The following IQSEC2 variants were observed in gnomAD, a reference collection of about 807,000 sequenced individuals.
IQSEC2 encodes the protein IQ motif and Sec7 domain ArfGEF 2.
In IQSEC2, 6 loss-of-function variants were observed where a neutral mutation model predicts 74.6. That is an observed-to-expected ratio of 0.08 (90% CI 0.04 to 0.16). IQSEC2 has a LOEUF of 0.16. Ranked by LOEUF, IQSEC2 falls within the 10% of genes least tolerant of loss-of-function variation. The probability of loss-of-function intolerance (pLI) is 1.00; values close to 1 mark genes in which losing one functional copy is unlikely to be tolerated. For missense variants in IQSEC2, 734 were observed against 1,306.2 expected, an observed-to-expected ratio of 0.56 and a Z score of 6.75; for synonymous variants, 494 against 544.5, an observed-to-expected ratio of 0.91 and a Z score of 1.29.
chrX:53,320,890 G>A lies in IQSEC2; in HGVS notation c.234C>T (p.Gly78=). Residue 78 remains glycine, a synonymous_variant, in exon 1 of 15, where the codon GGC becomes GGT. Coordinates refer to ENST00000642864, the MANE Select transcript of IQSEC2 (RefSeq NM_001111125.3). ...HRGELHRDPH[G]ARDSPGRESQ... is the part of the protein sequence containing the mutation. ...TCTCGCGGCCCGGGCTATCCCGCGCGCCGTGGGGGTCCCGGTGCAGCTCCC... is the reference window on the plus strand; with the variant it reads ...TCTCGCGGCCCGGGCTATCCCGCGCACCGTGGGGGTCCCGGTGCAGCTCCC... 1 of 1,164,832 alleles carries A rather than the reference G, an allele frequency of 8.6e-7. No homozygotes were observed. The highest frequency in any genetic ancestry group is 1.1e-6 in the Non-Finnish European group (1 of 872,204).
intron 2 of IQSEC2, chrX:53,267,154 G>A (rs782396791): frequency 1.1e-4 from 114 of 1,080,605 alleles, no homozygotes; most frequent in South Asian, 4.1e-4. Flanking sequence ...GGAGATACGC[G>A]AAGGGCCAGG....
chrX:53,242,157 G>T (rs1186314976), intron 9 of IQSEC2, among the ~76,000 whole-genome samples: 3 of 111,147 alleles, frequency 2.7e-5, no homozygotes, highest in African/African-American at 9.8e-5. Context: ...ATCCCGGCCG[G>T]GCGCAGTGGC....
chrX:53,246,928 C>T (rs1478129940), intron 8 of IQSEC2, 41 bp downstream of exon 8: 1 of 1,172,374 alleles, frequency 8.5e-7, no homozygotes, highest in Admixed American at 2.2e-5. Context: ...CCCACTTTCC[C>T]TTTCCAGGTG....
At chrX:53,286,939 C>CAAAAAAAAAAAAAAAAAAAAAAAAA (rs11464309) in intron 2 of IQSEC2, among the ~76,000 whole-genome samples, 1 of 58,465 alleles carries the variant, frequency 1.7e-5, no homozygotes. Flanking sequence ...GTATCCGGCT[C>CAAAAAAAAAAAAAAAAAAAAAAAAA]AAAAAAAAAA....
rs192939825 is a variant in IQSEC2, at chrX:53,236,750, C to T, written c.3278-255G>A. ...CCTGCTCAGCCTTCCCTTCATCCCT[C>T]TTGGTGCCTGCTCTCCCTGTTCCCT... On this transcript the variant is annotated intron_variant, in intron 12 of 14. Coordinates refer to ENST00000642864, the MANE Select transcript of IQSEC2 (RefSeq NM_001111125.3). Among the ~76,000 whole-genome samples the T allele has an allele frequency of 2.9e-4, 32 of 111,459 alleles. No homozygotes were observed. In the East Asian group the frequency reaches 8.8e-3, roughly 31 times the overall value.
intron 2 of IQSEC2, chrX:53,281,719 C>T (rs1490226454): frequency 5.4e-5 from 23 of 425,341 alleles, no homozygotes; most frequent in Non-Finnish European, 8.4e-5. Flanking sequence ...ACTCCTCCTC[C>T]GAGGAAGCGG....
chrX:53,281,666 T>C, intron 2 of IQSEC2: 1 of 692,453 alleles, frequency 1.4e-6, no homozygotes, highest in South Asian at 3.6e-5. Context: ...AGATTGCAAC[T>C]GGAAACTTTG....
chrX:53,281,032 A>C (rs1355340847), intron 2 of IQSEC2, among the ~76,000 whole-genome samples: 1 of 112,579 alleles, frequency 8.9e-6, no homozygotes, highest in Non-Finnish European at 1.9e-5. Flanking sequence ...TTTGAATCTG[A>C]GACTCTTCTT....
chrX:53,308,388 A>C (rs1556877237), intron 1 of IQSEC2, among the ~76,000 whole-genome samples: 1 of 110,211 alleles, frequency 9.1e-6, no homozygotes, highest in Non-Finnish European at 1.9e-5. Flanking sequence ...GTTTTAAAAC[A>C]ATCCTGGGAG....
At position 53,235,201 on chromosome X, in the gene IQSEC2, G is replaced by C; in HGVS notation, c.3502-17C>G. The C allele has an allele frequency of 8.6e-7, 1 of 1,164,851 alleles. No individual in the cohort carries two copies. The highest frequency in any genetic ancestry group is 1.1e-6 in the Non-Finnish European group (1 of 872,108). ...AACAGACCCCTGGAAGCGGGGAGGG[G>C]GGAAGTCAGGCCAGGCTAGATGCCC... On this transcript the variant is annotated splice_polypyrimidine_tract_variant and intron_variant, in intron 14 of 14. Coordinates refer to ENST00000642864, the MANE Select transcript of IQSEC2 (RefSeq NM_001111125.3).
chrX:53,309,811 A>G (rs2075303803), intron 1 of IQSEC2, among the ~76,000 whole-genome samples: 1 of 112,525 alleles, frequency 8.9e-6, no homozygotes, highest in Non-Finnish European at 1.9e-5. Flanking sequence ...TCCAAAAAAG[A>G]AATCAACAAA....
At chrX:53,319,507 C>T (rs2075408114) in intron 1 of IQSEC2, among the ~76,000 whole-genome samples, 1 of 111,801 alleles carries the variant, frequency 8.9e-6, no homozygotes, top group Non-Finnish European at 1.9e-5. Flanking sequence ...CCTTCGAATA[C>T]GGCAGAAAAG....
chrX:53,309,677 C>T (rs1395975142), intron 1 of IQSEC2, among the ~76,000 whole-genome samples: 2 of 112,329 alleles, frequency 1.8e-5, no homozygotes, highest in Non-Finnish European at 3.8e-5. Context: ...GCCAGTCCAG[C>T]CTCTTCAGCC....
intron 2 of IQSEC2, among the ~76,000 whole-genome samples, chrX:53,263,993 C>G (rs1209554787): frequency 8.9e-6 from 1 of 112,450 alleles, no homozygotes; most frequent in Non-Finnish European, 1.9e-5. Flanking sequence ...GTAGAAATCA[C>G]GTGTGTCTGT....
At position 53,321,092 on chromosome X, in the gene IQSEC2, G is replaced by C; in HGVS notation, c.32C>G (p.Pro11Arg). The C allele has an allele frequency of 8.7e-7, 1 of 1,150,564 alleles. No individual in the cohort carries two copies. The highest frequency in any genetic ancestry group is 1.2e-6 in the Non-Finnish European group (1 of 868,975). 94.8% of individuals were successfully genotyped at this position (1,150,564 alleles called of 1,213,427 possible). A position where few individuals can be genotyped will look rare whatever the true frequency, so the allele number is the denominator to read the frequency against. Residue 11 changes from proline (P) to arginine (R), a missense_variant, in exon 1 of 15, where the codon CCG (proline) becomes CGG (arginine). Coordinates refer to ENST00000642864, the MANE Select transcript of IQSEC2 (RefSeq NM_001111125.3). Reference protein sequence around the residue: MEAGSGPPGGPGSESPNRAVE... With the variant: MEAGSGPPGGRGSESPNRAVE... ...GGCCCGATTTGGGCTCTCGGATCCC[G>C]GGCCGCCCGGGGGCCCCGACCCCGC... is the stretch of plus-strand genomic sequence containing the variant.
chrX:53,314,150 G>T (rs782188993), intron 1 of IQSEC2, among the ~76,000 whole-genome samples: 1 of 111,779 alleles, frequency 8.9e-6, no homozygotes, highest in Admixed American at 9.5e-5. Context: ...TACCCCAAGA[G>T]AATTCTGAAG....
chrX:53,289,852 G>C (rs1015094412), intron 2 of IQSEC2, among the ~76,000 whole-genome samples: 4 of 111,614 alleles, frequency 3.6e-5, no homozygotes, highest in Non-Finnish European at 7.5e-5. Context: ...GACAGCCCAA[G>C]GCACTGACTC....
chrX:53,303,448 C>G (rs192703043), intron 1 of IQSEC2, among the ~76,000 whole-genome samples: 18 of 111,019 alleles, frequency 1.6e-4, no homozygotes, highest in Non-Finnish European at 3.0e-4. Context: ...GAGAAAAGCA[C>G]TAGGGGGAGG....
At chrX:53,256,708 G>A (rs907154294) in intron 2 of IQSEC2, among the ~76,000 whole-genome samples, 2 of 112,692 alleles carry the variant, frequency 1.8e-5, no homozygotes, top group Non-Finnish European at 3.8e-5. Context: ...CCCTGGTTGC[G>A]AGGGCAGGGC....
Sources: gnomAD v4.1 joint callset for allele counts (sites outside exome capture counted in the v4.1 genomes callset) on GRCh38, gnomAD v4.1.1 for gene constraint, MANE v1.5 for transcripts, NCBI Gene and HGNC (gene_info 2026-07-23, HGNC 2026-07-21) for gene names.